PCBP3: variants seen among roughly 807,000 people sequenced by gnomAD.
PCBP3 encodes poly(rC)-binding protein 3.
A neutral mutation model predicts 52.7 loss-of-function variants in PCBP3; 25 were observed. The ratio of observed to expected loss-of-function variants is 0.47; its 90% CI spans 0.35 to 0.66. PCBP3 has a LOEUF of 0.66. Among genes scored for constraint, PCBP3 ranks in the 30% least tolerant of loss-of-function variants. The probability of loss-of-function intolerance (pLI) is 0.01; values close to 1 mark genes in which losing one functional copy is unlikely to be tolerated. For missense variants in PCBP3, 391 were observed against 490.3 expected (o/e 0.80, Z 1.91); for synonymous variants, 162 against 183.0 (o/e 0.89, Z 0.93).
intron 1 of PCBP3, among the ~76,000 whole-genome samples, chr21:45,652,019 T>C (rs1455123458): frequency 6.6e-6 from 1 of 152,230 alleles, no homozygotes; most frequent in East Asian, 1.9e-4. Flanking sequence ...CCTTTAATGT[T>C]TGGGGAAAAG....
At chr21:45,935,780 C>T (rs554689662) in intron 16 of PCBP3, among the ~76,000 whole-genome samples, 9 of 152,356 alleles carry the variant, frequency 5.9e-5, no homozygotes, top group Admixed American at 1.3e-4. Context: ...GTCTAGATTC[C>T]TTCTAGCACT....
intron 5 of PCBP3, among the ~76,000 whole-genome samples, chr21:45,865,902 C>T (rs1230166555): frequency 6.6e-6 from 1 of 152,236 alleles, no homozygotes; most frequent in Non-Finnish European, 1.5e-5. Context: ...ATTTTCACCC[C>T]AGCTGAGGTG....
intron 2 of PCBP3, among the ~76,000 whole-genome samples, chr21:45,694,899 T>A (rs2082678208): frequency 6.6e-6 from 1 of 152,200 alleles, no homozygotes; most frequent in Non-Finnish European, 1.5e-5. Context: ...TCTTTGAAAC[T>A]AAAACACCAC....
In PCBP3 at chr21:45,917,335, G is replaced by C. The variant is rs1042581431; in HGVS notation, c.676-253G>C. ...GAAACTTGGAGTCGGAAGCATCAAG[G>C]CTGAACTGTTTCCCTCCCACCCGCT... On this transcript the variant is annotated intron_variant, in intron 12 of 17. Transcript: ENST00000681687. The surrounding 1 kb of genome is among the most constrained non-coding windows in gnomAD (Gnocchi z 5.3). 1 of 436,022 alleles carries C rather than the reference G, an allele frequency of 2.3e-6. No individual in the cohort carries two copies. The highest frequency in any genetic ancestry group is 4.2e-6 in the Non-Finnish European group (1 of 239,912). The allele number at this position is 436,022 out of a possible 1,614,324, so 27.0% of individuals were successfully genotyped here. A position where few individuals can be genotyped will look rare whatever the true frequency, so the allele number is the denominator to read the frequency against.
intron 5 of PCBP3, chr21:45,871,958 C>G (rs1363433564): frequency 6.6e-6 from 1 of 152,242 alleles, no homozygotes; most frequent in Admixed American, 6.5e-5. Context: ...CTCCGTCCCC[C>G]CAGGGGACGG....
chr21:45,819,662 C>G (rs867398097), intron 4 of PCBP3, among the ~76,000 whole-genome samples: 1 of 151,878 alleles, frequency 6.6e-6, no homozygotes, highest in Non-Finnish European at 1.5e-5. Context: ...CAGGTGCTAT[C>G]TTGGCTGAGG....
intron 2 of PCBP3, among the ~76,000 whole-genome samples, chr21:45,713,299 G>C (rs2083978716): frequency 6.6e-6 from 1 of 152,026 alleles, no homozygotes; most frequent in Non-Finnish European, 1.5e-5. Context: ...TGGCTTGTAG[G>C]CTCTCTCTCT....
At chr21:45,867,243 T>A (rs990461521) in intron 5 of PCBP3, among the ~76,000 whole-genome samples, 48 of 152,154 alleles carry the variant, frequency 3.2e-4, no homozygotes, top group Admixed American at 2.9e-3. Flanking sequence ...CTGCGCCGGA[T>A]CTGAGGCAGG....
intron 2 of PCBP3, among the ~76,000 whole-genome samples, chr21:45,706,213 G>T (rs1387159848): frequency 2.6e-5 from 4 of 152,192 alleles, no homozygotes; most frequent in Non-Finnish European, 4.4e-5. Flanking sequence ...AAACAGCAGT[G>T]TCCAGGTCCC....
At chr21:45,708,607 C>A (rs568981831) in intron 2 of PCBP3, among the ~76,000 whole-genome samples, 35 of 152,304 alleles carry the variant, frequency 2.3e-4, no homozygotes, top group African/African-American at 7.9e-4. Context: ...AAATAAAAAT[C>A]AATGTCTCAT....
Position 45,800,776 on chromosome 21 carries a change from G to C in PCBP3, c.-126+45324G>C, listed in dbSNP as rs1420110100. Among the ~76,000 whole-genome samples the C allele has an allele frequency of 6.6e-6, 1 of 152,208 alleles. No homozygotes were observed. Among genetic ancestry groups the C allele is most frequent in the African/African-American group, 2.4e-5 (1 of 41,458 alleles). On this transcript the variant is annotated intron_variant, in intron 4 of 17. Transcript: ENST00000681687. This position sits in a 1 kb window ranked among gnomAD's most constrained non-coding sequence, Gnocchi z 5.3. ...AGGGAGGATGTCTTTCCCTGACCTCGTTTGTGTGGCCCTGGTGCCCAATGA... is the reference window on the plus strand; with the variant it reads ...AGGGAGGATGTCTTTCCCTGACCTCCTTTGTGTGGCCCTGGTGCCCAATGA...
chr21:45,727,043 G>GT (rs1161670633), intron 2 of PCBP3, among the ~76,000 whole-genome samples: 2 of 152,142 alleles, frequency 1.3e-5, no homozygotes, highest in African/African-American at 4.8e-5. Flanking sequence ...TCCAACATCA[G>GT]TTTTTTCTTT....
intron 5 of PCBP3, among the ~76,000 whole-genome samples, chr21:45,870,641 T>C (rs1433492025): frequency 1.3e-5 from 2 of 152,218 alleles, no homozygotes; most frequent in African/African-American, 2.4e-5. Flanking sequence ...CCCCGGGCTC[T>C]TCCTGTGCAC....
At chr21:45,781,761 A>G (rs1200765018) in intron 4 of PCBP3, among the ~76,000 whole-genome samples, 4 of 152,242 alleles carry the variant, frequency 2.6e-5, no homozygotes, top group Admixed American at 2.6e-4. Context: ...ATATAATGGA[A>G]TACTGAGTGA....
At chr21:45,901,904 A>C (rs896705707) in intron 9 of PCBP3, among the ~76,000 whole-genome samples, 1 of 152,234 alleles carries the variant, frequency 6.6e-6, no homozygotes, top group African/African-American at 2.4e-5. Context: ...GTGACCATTA[A>C]GTAATGAGGT....
At chr21:45,711,783 T>C (rs781145280) in intron 2 of PCBP3, among the ~76,000 whole-genome samples, 3 of 152,202 alleles carry the variant, frequency 2.0e-5, no homozygotes, top group Non-Finnish European at 4.4e-5. Flanking sequence ...CTAAATGACG[T>C]TTTAAAATAA....
At chr21:45,721,585 A>G (rs934966006) in intron 2 of PCBP3, among the ~76,000 whole-genome samples, 1 of 152,182 alleles carries the variant, frequency 6.6e-6, no homozygotes, top group African/African-American at 2.4e-5. Context: ...TATTAGGTTC[A>G]TTTTAAAGTT....
chr21:45,866,665 A>G (rs958665836), intron 5 of PCBP3, among the ~76,000 whole-genome samples: 3 of 152,248 alleles, frequency 2.0e-5, no homozygotes, highest in African/African-American at 7.2e-5. Context: ...TGGCTGGAGC[A>G]ATCCCAGAGA....
chr21:45,644,864 T>G (rs1161330445), intron 1 of PCBP3, among the ~76,000 whole-genome samples: 1 of 152,222 alleles, frequency 6.6e-6, no homozygotes, highest in South Asian at 2.1e-4. Context: ...CCCTCTGAAA[T>G]TGAACTCACT....
Sources: gnomAD v4.1 joint callset for allele counts (sites outside exome capture counted in the v4.1 genomes callset) on GRCh38, gnomAD v4.1.1 for gene constraint, Gnocchi (gnomAD v3.1) non-coding constraint, MANE v1.5 for transcripts, NCBI Gene and HGNC (gene_info 2026-07-23, HGNC 2026-07-21) for gene names.